Variants in COL18A1 observed in about 807,000 individuals in gnomAD.
The protein encoded by COL18A1 is collagen alpha-1(XVIII) chain.
COL18A1 carries 133 observed loss-of-function variants against 168.0 expected under a neutral mutation model. The ratio of observed to expected loss-of-function variants is 0.79; its 90% confidence interval spans 0.69 to 0.91. The LOEUF is 0.91. Ranked by LOEUF, COL18A1 falls within the 40% of genes least tolerant of loss-of-function variation. The pLI is 0.00. For missense variants in COL18A1, 2,126 were observed against 1,925.4 expected (o/e 1.10, Z -1.95); for synonymous variants, 949 against 809.0 (o/e 1.17, Z -2.94).
At chr21:45,433,599 G>A (rs940965944) in intron 2 of COL18A1, among the ~76,000 whole-genome samples, 2 of 152,236 alleles carry the variant, frequency 1.3e-5, no homozygotes, top group African/African-American at 2.4e-5. Flanking sequence ...CTTGTCCTAT[G>A]AGAAGAGCTC....
At chr21:45,489,071 T>C in intron 18 of COL18A1, among the ~76,000 whole-genome samples, 1 of 152,238 alleles carries the variant, frequency 6.6e-6, no homozygotes, top group South Asian at 2.1e-4. Context: ...ACCCTGGGGC[T>C]GCACTCTCAC....
intron 2 of COL18A1, among the ~76,000 whole-genome samples, chr21:45,450,782 C>T (rs2034603290): frequency 6.6e-6 from 1 of 152,190 alleles, no homozygotes; most frequent in Non-Finnish European, 1.5e-5. Context: ...GTGACCTCCC[C>T]ACCGCATCTC....
intron 2 of COL18A1, among the ~76,000 whole-genome samples, chr21:45,446,398 G>C (rs1231948033): frequency 6.6e-6 from 1 of 152,214 alleles, no homozygotes; most frequent in Non-Finnish European, 1.5e-5. Flanking sequence ...GAACAAAATA[G>C]ATGGCAGATG....
At chr21:45,484,409 ACAC>A (rs2036028187) in intron 15 of COL18A1, among the ~76,000 whole-genome samples, 2 of 143,374 alleles carry the variant, frequency 1.4e-5, no homozygotes, top group South Asian at 4.4e-4. Flanking sequence ...ACACACACAC[ACAC>A]CTCTCCAGCA....
In COL18A1 at chr21:45,423,147, TCTC is replaced by T. The variant is rs1298160181; in HGVS notation, c.106+17677_106+17679del. Among the ~76,000 whole-genome samples the T allele has an allele frequency of 1.3e-5, 2 of 152,088 alleles. No individual in the cohort carries two copies. The highest frequency in any genetic ancestry group is 2.1e-4 in the South Asian group (1 of 4,834). On this transcript the variant is annotated intron_variant, in intron 2 of 41. Coordinates refer to ENST00000651438, the MANE Select transcript of COL18A1 (RefSeq NM_001379500.1). This position sits in a 1 kb window ranked among gnomAD's most constrained non-coding sequence, Gnocchi z 4.0. ...TTTAATGTCCCCACTTTTGACCACTTCTCCTTCTCCATAGGGCAAATCAAGCTT... is the reference window on the plus strand; with the variant it reads ...TTTAATGTCCCCACTTTTGACCACTTCTTCTCCATAGGGCAAATCAAGCTT...
chr21:45,442,682 CGGT>C (rs1307635159), intron 2 of COL18A1, among the ~76,000 whole-genome samples: 5 of 81,598 alleles, frequency 6.1e-5, no homozygotes, highest in African/African-American at 2.3e-4. Flanking sequence ...CTGGTGTGGG[CGGT>C]GGTGGTGCTG....
In COL18A1 at chr21:45,450,468, T is replaced by C. The variant is rs377029185; in HGVS notation, c.107-17774T>C. Reference sequence around the variant, plus strand: ...ACAGCCCGGAGCCTCAAAGCTACGGTTGGGGCCTTCAGCCCGGAAATGAGC... The same window carrying C: ...ACAGCCCGGAGCCTCAAAGCTACGGCTGGGGCCTTCAGCCCGGAAATGAGC... On this transcript the variant is annotated intron_variant, in intron 2 of 41. Coordinates refer to ENST00000651438, the MANE Select transcript of COL18A1 (RefSeq NM_001379500.1). Among the ~76,000 whole-genome samples the C allele has an allele frequency of 2.6e-5, 4 of 152,304 alleles. No individual in the cohort carries two copies. In the East Asian group the frequency reaches 7.7e-4, roughly 29 times the overall value.
In COL18A1 at chr21:45,489,513, G is replaced by A. The variant is rs1014046933; in HGVS notation, c.1951G>A (p.Gly651Arg). 10 of 1,602,444 alleles carry A rather than the reference G, an allele frequency of 6.2e-6. No homozygotes were observed. The highest frequency in any genetic ancestry group is 2.2e-5 in the South Asian group (2 of 89,414). Reference protein sequence around the residue: ...KGDPGVPGLPGAKGEVGADGV... With the variant: ...KGDPGVPGLPRAKGEVGADGV... ...GGATCCTGGCGTGCCTGGGCTGCCG[G>A]GGGCGAAGGTAAGCGCTGTGCCCGG... The change falls in exon 19 of 42, where the codon GGG becomes AGG. Residue 651 changes from glycine to arginine, a missense_variant. Gly to Arg is a moderately radical substitution (Grantham distance 125). Transcript: ENST00000651438.
At chr21:45,493,079 G>T in intron 24 of COL18A1, 84 bp from the exon 25 acceptor site, 1 of 1,355,722 alleles carries the variant, frequency 7.4e-7, no homozygotes, top group African/African-American at 1.4e-5. Context: ...ATTGCGGGGG[G>T]CAGCTGTCGG....
At chr21:45,472,218 G>GT (rs552472776) in intron 3 of COL18A1, among the ~76,000 whole-genome samples, 295 of 144,710 alleles carry the variant, frequency 2.0e-3, no homozygotes, top group Admixed American at 2.8e-3. Flanking sequence ...GAGAAGCGCA[G>GT]TTTTTTTTTT....
At position 45,503,957 on chromosome 21, in the gene COL18A1, C is replaced by A. The variant is rs1187003728; in HGVS notation, c.2684-54C>A. On this transcript the variant is annotated intron_variant, in intron 32 of 41. Transcript: ENST00000651438. ...CCAGTGCTGGGGGCTGCAGAGGGAACCCGGCGCTGTCAGACACCACCTCAG... is the reference window on the plus strand; with the variant it reads ...CCAGTGCTGGGGGCTGCAGAGGGAAACCGGCGCTGTCAGACACCACCTCAG... The A allele has an allele frequency of 1.7e-5, 27 of 1,607,904 alleles. No individual in the cohort carries two copies. The Admixed American group carries it at 2.2e-4, about 13-fold the overall frequency.
Position 45,423,496 on chromosome 21 carries a change from C to T in COL18A1, c.106+18023C>T, listed in dbSNP as rs1320998133. On this transcript the variant is annotated intron_variant, in intron 2 of 41. Coordinates refer to ENST00000651438, the MANE Select transcript of COL18A1 (RefSeq NM_001379500.1). This position sits in a 1 kb window ranked among gnomAD's most constrained non-coding sequence, Gnocchi z 4.0. ...ACACAGCTGGGCGCCCGCCCCCCGC[C>T]CCCCGCCCCCCGGAGGGCCCGGCTC... Among the ~76,000 whole-genome samples the T allele has an allele frequency of 1.3e-5, 2 of 149,976 alleles. No individual in the cohort carries two copies. Among genetic ancestry groups the T allele is most frequent in the East Asian group, 2.0e-4 (1 of 5,016 alleles).
intron 2 of COL18A1, among the ~76,000 whole-genome samples, chr21:45,440,779 C>T (rs1602390693): frequency 6.6e-6 from 1 of 152,334 alleles, no homozygotes; most frequent in East Asian, 1.9e-4. Context: ...CGTGTCTAAG[C>T]TTTTTGGAAA....
At position 45,477,979 on chromosome 21, in the gene COL18A1, T is replaced by C. The variant is rs9976881; in HGVS notation, c.1221+14T>C. The C allele has an allele frequency of 6.5e-3, 8,709 of 1,335,642 alleles. 244 individuals carry two copies. The African/African-American group carries it at 0.078, about 12-fold the overall frequency. The allele number at this position is 1,335,642 out of a possible 1,614,324, so 82.7% of individuals were successfully genotyped here. On this transcript the variant is annotated intron_variant, in intron 8 of 41. Coordinates refer to ENST00000651438, the MANE Select transcript of COL18A1 (RefSeq NM_001379500.1). ...GACGGCGAGCCGGTGAGTCCTCACG[T>C]CCCCCCGAGTCCGGCCCGGTCTGGA...
At position 45,468,361 on chromosome 21, in the gene COL18A1, A is replaced by C. The variant is rs374084790; in HGVS notation, c.226A>C (p.Ser76Arg). ...CTACGTCTTTGGGCCAGATGCCAAC[A>C]GTGGCCAAGTGGCCCGGTACCACTT... ...LAYVFGPDAN[S>R]GQVARYHFPS... Residue 76 changes from serine (S) to arginine (R), a missense_variant, in exon 3 of 42, where the codon AGT (serine) becomes CGT (arginine). Ser to Arg is a moderately radical substitution (Grantham distance 110). Coordinates refer to ENST00000651438, the MANE Select transcript of COL18A1 (RefSeq NM_001379500.1). 6.2e-7 allele frequency: 1 copy of C among 1,613,674 alleles called. No individual in the cohort carries two copies. Among genetic ancestry groups the C allele is most frequent in the African/African-American group, 1.3e-5 (1 of 74,952 alleles).
At chr21:45,475,832 G>A (rs1435298998) in intron 5 of COL18A1, among the ~76,000 whole-genome samples, 1 of 152,232 alleles carries the variant, frequency 6.6e-6, no homozygotes, top group Non-Finnish European at 1.5e-5. Flanking sequence ...CCTTCCCTTC[G>A]CCCCATCCCT....
At chr21:45,418,401 G>A (rs185059722) in intron 2 of COL18A1, among the ~76,000 whole-genome samples, 2 of 152,262 alleles carry the variant, frequency 1.3e-5, no homozygotes, top group East Asian at 3.9e-4. Flanking sequence ...CCACGTCAAG[G>A]CAGCCGTCCC....
In COL18A1 at chr21:45,496,505, GC is replaced by G. The variant is rs1467913741; in HGVS notation, c.2517del (p.Gly840AlafsTer69). 7.0e-7 allele frequency: 1 copy of G among 1,431,810 alleles called. No homozygotes were observed. Among genetic ancestry groups the G allele is most frequent in the South Asian group, 1.1e-5 (1 of 87,482 alleles). The allele number at this position is 1,431,810 out of a possible 1,614,324, so 88.7% of individuals were successfully genotyped here. On this transcript the variant is annotated frameshift_variant, in exon 30 of 42. Coordinates refer to ENST00000651438, the MANE Select transcript of COL18A1 (RefSeq NM_001379500.1). LOFTEE classifies it high-confidence loss of function. ...GCTCTCTGCCCTCCCCACAGGGAATGCCCGGCCCCCCAGGACCTCCAGGGCC... is the reference window on the plus strand; with the variant it reads ...GCTCTCTGCCCTCCCCACAGGGAATGCCGGCCCCCCAGGACCTCCAGGGCC... ...ASLGFGMRGM[P>X]GPPGPPGPPG...
rs762017169 is a variant in COL18A1, at chr21:45,468,701, C to T, written c.566C>T (p.Ala189Val). The T allele has an allele frequency of 6.2e-7, 1 of 1,613,430 alleles. No homozygotes were observed. Among genetic ancestry groups the T allele is most frequent in the Non-Finnish European group, 8.5e-7 (1 of 1,180,002 alleles). ...DCEEFQRMPL[A>V]RSSRGLELEP... is the part of the protein sequence containing the mutation. ...GAGGAGTTCCAGAGAATGCCGCTTG[C>T]TCGGTCCTCACGGGGCCTGGAGCTG... is the stretch of plus-strand genomic sequence containing the variant. The change falls in exon 3 of 42, where the codon GCT becomes GTT. Residue 189 changes from alanine to valine, a missense_variant. Ala to Val is a moderately conservative substitution (Grantham distance 64, BLOSUM62 0). Coordinates refer to ENST00000651438, the MANE Select transcript of COL18A1 (RefSeq NM_001379500.1).
Sources: allele counts gnomAD v4.1 joint callset (sites outside exome capture counted in the v4.1 genomes callset), GRCh38; gene constraint gnomAD v4.1.1; non-coding constraint Gnocchi (gnomAD v3.1); transcripts MANE v1.5; gene names NCBI Gene and HGNC (gene_info 2026-07-23, HGNC 2026-07-21).